The following WWOX variants were observed in gnomAD, a reference collection of about 807,000 sequenced individuals.
The protein encoded by WWOX is WW domain containing oxidoreductase, also known as WW domain-containing oxidoreductase.
A neutral mutation model predicts 46.2 loss-of-function variants in WWOX; 69 were observed. That is an observed-to-expected ratio of 1.49 (90% CI 1.23 to 1.82). The LOEUF is 1.82. WWOX is among the 40% of genes most tolerant of loss of function. The pLI is 0.00. For missense variants in WWOX, 919 were observed against 542.6 expected (o/e 1.69, Z -6.89); for synonymous variants, 359 against 202.6 (o/e 1.77, Z -6.56).
At chr16:78,886,188 G>C (rs562167215) in intron 8 of WWOX, among the ~76,000 whole-genome samples, 2 of 150,506 alleles carry the variant, frequency 1.3e-5, no homozygotes, top group African/African-American at 4.9e-5. Flanking sequence ...GCCTCCCAAA[G>C]TGCTCGGATT....
intron 8 of WWOX, among the ~76,000 whole-genome samples, chr16:78,615,177 A>C (rs1404301570): frequency 2.6e-5 from 4 of 152,206 alleles, no homozygotes; most frequent in Non-Finnish European, 4.4e-5. Flanking sequence ...TAGAGGTTGT[A>C]AGCTAAGTAA....
intron 8 of WWOX, among the ~76,000 whole-genome samples, chr16:78,663,519 G>A (rs368560717): frequency 1.5e-3 from 233 of 152,146 alleles, no homozygotes; most frequent in African/African-American, 5.3e-3. Flanking sequence ...TTCTATAAGC[G>A]TTGCCACAGG....
intron 8 of WWOX, among the ~76,000 whole-genome samples, chr16:78,441,088 G>A (rs1018224665): frequency 1.3e-5 from 2 of 152,008 alleles, no homozygotes; most frequent in Non-Finnish European, 2.9e-5. Context: ...GATTACAGGT[G>A]TGCACCACCA....
chr16:78,321,184 C>G (rs964571684), intron 5 of WWOX, among the ~76,000 whole-genome samples: 1 of 151,580 alleles, frequency 6.6e-6, no homozygotes, highest in African/African-American at 2.4e-5. Flanking sequence ...ATGTATCTTT[C>G]TGGAACAGGA....
intron 4 of WWOX, among the ~76,000 whole-genome samples, chr16:78,156,815 TG>T (rs2151727493): frequency 6.6e-6 from 1 of 152,142 alleles, no homozygotes; most frequent in East Asian, 1.9e-4. Context: ...TCCCAGTTGC[TG>T]GGGAGACTGA....
At chr16:78,383,093 G>A (rs1469449449) in intron 5 of WWOX, among the ~76,000 whole-genome samples, 1 of 150,670 alleles carries the variant, frequency 6.6e-6, no homozygotes, top group African/African-American at 2.4e-5. Context: ...TAGGGGGATG[G>A]CACTAAGCTG....
chr16:78,459,660 C>T (rs115596634), intron 8 of WWOX, among the ~76,000 whole-genome samples: 2 of 152,072 alleles, frequency 1.3e-5, no homozygotes, highest in Non-Finnish European at 2.9e-5. Context: ...CTGATGTTTG[C>T]CAATGGATAT....
At chr16:78,617,266 G>C (rs1597353987) in intron 8 of WWOX, among the ~76,000 whole-genome samples, 1 of 152,032 alleles carries the variant, frequency 6.6e-6, no homozygotes, top group African/African-American at 2.4e-5. Context: ...GGTGGGCGTG[G>C]TGGCGTGCAC....
intron 8 of WWOX, among the ~76,000 whole-genome samples, chr16:78,468,387 T>C (rs1298988123): frequency 6.6e-6 from 1 of 151,942 alleles, no homozygotes; most frequent in African/African-American, 2.4e-5. Context: ...CCCCACGTAT[T>C]GTTGCAACGG....
chr16:78,468,367 C>G (rs140274775), intron 8 of WWOX, among the ~76,000 whole-genome samples: 1 of 151,620 alleles, frequency 6.6e-6, no homozygotes, highest in East Asian at 2.0e-4. Context: ...CAGCTTCCTT[C>G]TCACCTTAAC....
intron 8 of WWOX, among the ~76,000 whole-genome samples, chr16:78,623,141 C>A (rs4887970): frequency 0.041 from 6,170 of 151,962 alleles, 165 homozygotes; most frequent in South Asian, 0.1. Context: ...CATGGTAAGA[C>A]CCTGGATGGA....
intron 5 of WWOX, among the ~76,000 whole-genome samples, chr16:78,198,954 C>T (rs1037997575): frequency 2.6e-5 from 4 of 152,110 alleles, no homozygotes; most frequent in East Asian, 1.9e-4. Context: ...AATCCCTCTA[C>T]CTCTTCTTTT....
chr16:79,066,146 A>T (rs965254055), intron 8 of WWOX, among the ~76,000 whole-genome samples: 12 of 151,762 alleles, frequency 7.9e-5, no homozygotes, highest in African/African-American at 2.7e-4. Flanking sequence ...TTCATCTACT[A>T]ATCTTTGAGT....
intron 8 of WWOX, among the ~76,000 whole-genome samples, chr16:79,097,170 G>C (rs559982877): frequency 6.6e-6 from 1 of 152,066 alleles, no homozygotes; most frequent in Admixed American, 6.6e-5. Flanking sequence ...CTCTGGGTCA[G>C]TGGATTCACA....
intron 6 of WWOX, among the ~76,000 whole-genome samples, chr16:78,406,345 TATATA>T (rs1354827460): frequency 1.8e-4 from 18 of 100,830 alleles, no homozygotes; most frequent in African/African-American, 1.2e-3. Context: ...TATATATATA[TATATA>T]TATATTTTAT....
At chr16:78,715,312 C>T (rs77185255) in intron 8 of WWOX, among the ~76,000 whole-genome samples, 2,248 of 152,226 alleles carry the variant, frequency 0.015, 49 homozygotes, top group African/African-American at 0.051. Flanking sequence ...CTGGTCCAGC[C>T]GGCTCAGCAA....
chr16:78,772,974 G>A (rs1324317330), intron 8 of WWOX, among the ~76,000 whole-genome samples: 1 of 152,202 alleles, frequency 6.6e-6, no homozygotes, highest in Non-Finnish European at 1.5e-5. Context: ...GCAGAAAGCT[G>A]TCATCATGCC....
At chr16:78,921,456 C>T (rs2045377219) in intron 8 of WWOX, among the ~76,000 whole-genome samples, 2 of 152,162 alleles carry the variant, frequency 1.3e-5, no homozygotes, top group Non-Finnish European at 2.9e-5. Context: ...ATCATAGTAA[C>T]AACAGCTCTT....
intron 8 of WWOX, among the ~76,000 whole-genome samples, chr16:78,839,287 C>A (rs188727949): frequency 3.3e-5 from 5 of 152,006 alleles, no homozygotes; most frequent in Non-Finnish European, 7.4e-5. Context: ...TCTTCTGTTC[C>A]TAGATATAAA....
Sources: allele counts gnomAD v4.1 joint callset (sites outside exome capture counted in the v4.1 genomes callset), GRCh38; gene constraint gnomAD v4.1.1; transcripts MANE v1.5; gene names NCBI Gene and HGNC (gene_info 2026-07-23, HGNC 2026-07-21).